The following DNM3 variants were observed in gnomAD, a reference collection of about 807,000 sequenced individuals.
DNM3 encodes the protein dynamin 3, also known as dynamin-3.
In DNM3, 47 loss-of-function variants were observed where a neutral mutation model predicts 101.6. The observed-to-expected ratio is 0.46, with a 90% CI of 0.37 to 0.59. The LOEUF (loss-of-function observed/expected upper bound fraction) is 0.59, where lower values mean the gene tolerates loss of function less well. Ranked by LOEUF, DNM3 falls within the 20% of genes least tolerant of loss-of-function variation. DNM3 has a pLI of 0.00. For missense variants in DNM3, 849 were observed against 1,085.7 expected, an observed-to-expected ratio of 0.78 and a Z score of 3.06; for synonymous variants, 385 against 387.9, an observed-to-expected ratio of 0.99 and a Z score of 0.09.
intron 12 of DNM3, among the ~76,000 whole-genome samples, chr1:172,088,798 A>G (rs1324398320): frequency 6.6e-6 from 1 of 152,204 alleles, no homozygotes; most frequent in African/African-American, 2.4e-5. Flanking sequence ...AGAAATTACA[A>G]TGGTATAGGA....
chr1:172,008,185 T>G (rs547312290), intron 4 of DNM3, among the ~76,000 whole-genome samples: 5 of 152,016 alleles, frequency 3.3e-5, no homozygotes, highest in African/African-American at 1.2e-4. Flanking sequence ...TCCTCCGGTA[T>G]GCAGAAGTTT....
chr1:172,168,184 G>T (rs781053549), intron 14 of DNM3, among the ~76,000 whole-genome samples: 2 of 151,864 alleles, frequency 1.3e-5, no homozygotes, highest in Non-Finnish European at 2.9e-5. Flanking sequence ...TTCAGTGCTA[G>T]GATGTTAGGT....
rs1441277653 is a variant in DNM3, at chr1:172,133,282, C to T, written c.1659+1994C>T. ...TGAGCTCTTGGTTATTGGCTCATCT[C>T]CTCTCCTCCAGACTCAGGATAATTC... On this transcript the variant is annotated intron_variant, in intron 14 of 20. Coordinates refer to ENST00000627582, the MANE Select transcript of DNM3 (RefSeq NM_015569.5). 4 of 1,049,912 alleles carry T rather than the reference C, an allele frequency of 3.8e-6. No individual in the cohort carries two copies. The African/African-American group carries it at 5.1e-5, about 13-fold the overall frequency. 65.0% of individuals were successfully genotyped at this position (1,049,912 alleles called of 1,614,324 possible).
intron 15 of DNM3, among the ~76,000 whole-genome samples, chr1:172,272,452 G>A (rs539069569): frequency 2.0e-5 from 3 of 152,218 alleles, no homozygotes; most frequent in African/African-American, 7.2e-5. Flanking sequence ...TGTTGCCTTG[G>A]TTTATGCTAG....
intron 15 of DNM3, among the ~76,000 whole-genome samples, chr1:172,278,900 G>A (rs898355051): frequency 1.6e-4 from 25 of 152,042 alleles, no homozygotes; most frequent in African/African-American, 3.9e-4. Flanking sequence ...GACTTTTCCC[G>A]GGACACAAGA....
chr1:172,289,082 G>A (rs994090542), intron 15 of DNM3, among the ~76,000 whole-genome samples: 6 of 152,070 alleles, frequency 3.9e-5, no homozygotes, highest in Non-Finnish European at 8.8e-5. Context: ...ACTAGCCCCA[G>A]GAGAAGCTCA....
chr1:172,202,271 G>T (rs922694036), intron 14 of DNM3, among the ~76,000 whole-genome samples: 5 of 152,112 alleles, frequency 3.3e-5, no homozygotes, highest in Non-Finnish European at 7.4e-5. Context: ...AAAAGAGTTT[G>T]TAAAGAATTG....
At chr1:171,917,014 A>G (rs2039767136) in intron 1 of DNM3, among the ~76,000 whole-genome samples, 3 of 152,222 alleles carry the variant, frequency 2.0e-5, no homozygotes, top group Admixed American at 2.0e-4. Flanking sequence ...CTGTATGTTG[A>G]TACTCTACCT....
chr1:172,056,541 C>G (rs867221637), intron 10 of DNM3, among the ~76,000 whole-genome samples: 1 of 152,104 alleles, frequency 6.6e-6, no homozygotes, highest in Admixed American at 6.6e-5. Flanking sequence ...GACCCCTGAC[C>G]CCCGAGCAGC....
At chr1:172,309,732 C>G (rs2065001194) in intron 16 of DNM3, 1 of 152,130 alleles carries the variant, frequency 6.6e-6, no homozygotes, top group Admixed American at 6.6e-5. Flanking sequence ...GGGAGAGAGT[C>G]TTTTCAAGAG....
intron 14 of DNM3, among the ~76,000 whole-genome samples, chr1:172,235,575 A>T (rs898293448): frequency 1.6e-4 from 25 of 152,344 alleles, no homozygotes; most frequent in African/African-American, 6.0e-4. Flanking sequence ...TATTCACAAT[A>T]GCAAAGACTT....
At chr1:171,971,158 G>T (rs141403697) in intron 2 of DNM3, among the ~76,000 whole-genome samples, 4 of 151,712 alleles carry the variant, frequency 2.6e-5, no homozygotes, top group Non-Finnish European at 4.4e-5. Context: ...TAAAAATTTG[G>T]TATGTGTTCT....
chr1:172,106,468 G>A (rs1320142222), intron 13 of DNM3, among the ~76,000 whole-genome samples: 2 of 151,994 alleles, frequency 1.3e-5, no homozygotes, highest in Non-Finnish European at 2.9e-5. Context: ...GGTGGGAGGA[G>A]GGAGAGGATA....
At position 172,014,559 on chromosome 1, in the gene DNM3, C is replaced by T. The variant is rs1227563938; in HGVS notation, c.590-17843C>T. On this transcript the variant is annotated intron_variant, in intron 4 of 20. Transcript: ENST00000627582. The stretch of plus-strand genomic sequence containing the variant: ...TTTCCTAATGTAATATGATGTTGAA[C>T]ATCTTTTTCATAGGCTTACTTGTCA... 2.6e-5 allele frequency among the ~76,000 whole-genome samples: 4 copies of T among 152,132 alleles called. No individual in the cohort carries two copies. The East Asian group carries it at 7.7e-4, about 29-fold the overall frequency.
At chr1:172,407,704 T>G in intron 20 of DNM3, 68 bp from the exon 21 acceptor site, 2 of 1,529,488 alleles carry the variant, frequency 1.3e-6, no homozygotes. Flanking sequence ...TCTTTCTCAG[T>G]GTCCTTGGAA....
chr1:172,262,146 A>G (rs2062681180), intron 15 of DNM3, among the ~76,000 whole-genome samples: 2 of 152,170 alleles, frequency 1.3e-5, no homozygotes, highest in African/African-American at 4.8e-5. Context: ...GGGTGGAGCC[A>G]TAAGCTGGGG....
intron 14 of DNM3, among the ~76,000 whole-genome samples, chr1:172,209,056 C>T (rs1572958964): frequency 6.6e-6 from 1 of 152,158 alleles, no homozygotes; most frequent in African/African-American, 2.4e-5. Flanking sequence ...AGCTCTAACC[C>T]TCAGTGCCAG....
At chr1:172,125,134 A>G (rs1388792367) in intron 13 of DNM3, among the ~76,000 whole-genome samples, 1 of 152,152 alleles carries the variant, frequency 6.6e-6, no homozygotes, top group Non-Finnish European at 1.5e-5. Flanking sequence ...CTACTGAGAA[A>G]GCCTAGTTAT....
intron 14 of DNM3, among the ~76,000 whole-genome samples, chr1:172,149,947 T>A (rs901299532): frequency 3.9e-5 from 6 of 152,128 alleles, no homozygotes; most frequent in Non-Finnish European, 7.4e-5. Context: ...ATACCTGCAA[T>A]TATGCAGTAG....
Sources: gnomAD v4.1 joint callset for allele counts (sites outside exome capture counted in the v4.1 genomes callset) on GRCh38, gnomAD v4.1.1 for gene constraint, MANE v1.5 for transcripts, NCBI Gene and HGNC (gene_info 2026-07-23, HGNC 2026-07-21) for gene names.